The following GLB1L variants were observed in gnomAD, a reference collection of about 807,000 sequenced individuals.
GLB1L encodes galactosidase beta 1 like.
Under a neutral mutation model 75.7 loss-of-function variants are expected in GLB1L, and 58 were observed. The observed-to-expected ratio is 0.77, with a 90% CI of 0.62 to 0.95. The LOEUF (loss-of-function observed/expected upper bound fraction) is 0.95. Among genes scored for constraint, GLB1L ranks in the 40% least tolerant of loss-of-function variants. The pLI, the probability that GLB1L is intolerant of heterozygous loss-of-function variation, is 0.00. For missense variants in GLB1L, 797 were observed against 805.5 expected (o/e 0.99, Z 0.13); for synonymous variants, 296 against 303.0 (o/e 0.98, Z 0.24).
intron 5 of GLB1L, among the ~76,000 whole-genome samples, chr2:219,240,910 C>G (rs959568108): frequency 5.9e-5 from 9 of 151,864 alleles, no homozygotes; most frequent in Admixed American, 3.9e-4. Context: ...TGGCAAAAAC[C>G]TGTCTCTACT....
rs376236263 is a variant in GLB1L, at chr2:219,239,844, G to A, written c.722-11C>T. The A allele has an allele frequency of 1.1e-5, 18 of 1,614,030 alleles. No individual in the cohort carries two copies. Among genetic ancestry groups the A allele is most frequent in the East Asian group, 2.2e-5 (1 of 44,894 alleles). On this transcript the variant is annotated splice_polypyrimidine_tract_variant and intron_variant, in intron 7 of 16. Coordinates refer to ENST00000295759, the MANE Select transcript of GLB1L (RefSeq NM_001286423.2). ...TGGTCATGTTGTCAGCTGCGGAAAG[G>A]AGGCAAAAGAAAAAGATAAATGTCG...
intron 11 of GLB1L, 110 bp downstream of exon 11, chr2:219,238,982 C>T (rs777596043): frequency 1.1e-6 from 1 of 888,754 alleles, no homozygotes; most frequent in Non-Finnish European, 1.8e-6. Context: ...GCTCAGAAGG[C>T]TCTGTGGCCC....
At chr2:219,237,374 G>A (rs368363660) in intron 16 of GLB1L, 27 bp from the exon 17 acceptor site, 3 of 1,606,662 alleles carry the variant, frequency 1.9e-6, no homozygotes, top group Middle Eastern at 1.7e-4. Flanking sequence ...AGGAAAGAGG[G>A]GAAAAGAAAG....
In GLB1L at chr2:219,240,274, C is replaced by A. The variant is rs779371361; in HGVS notation, c.463G>T (p.Ala155Ser). 1 of 1,613,874 alleles carries A rather than the reference C, an allele frequency of 6.2e-7. No individual in the cohort carries two copies. The highest frequency in any genetic ancestry group is 1.3e-5 in the African/African-American group (1 of 74,924). ...LRTSDPDFLAAVDSWFKVLLP... is the reference protein window; with the variant it reads ...LRTSDPDFLASVDSWFKVLLP... The stretch of plus-strand genomic sequence containing the variant: ...AAGACCTTGAACCAGGAGTCCACTG[C>A]GGCAAGGAAGTCTAAAGGAAGGAGC... The change falls in exon 6 of 17, where the codon GCA (alanine) becomes TCA (serine). Residue 155 changes from alanine to serine, a missense_variant. Physicochemically the swap from Ala to Ser is moderately conservative, Grantham distance 99. Coordinates refer to ENST00000295759, the MANE Select transcript of GLB1L (RefSeq NM_001286423.2).
rs1951311125 is a variant in GLB1L at position 219,238,597 on chromosome 2, G to T, written c.1138-13C>A. On this transcript the variant is annotated splice_polypyrimidine_tract_variant and intron_variant, in intron 12 of 16. Coordinates refer to ENST00000295759, the MANE Select transcript of GLB1L (RefSeq NM_001286423.2). The stretch of plus-strand genomic sequence containing the variant: ...GTAAATGCCCAACCTATTAGAATAA[G>T]GGAGAAGAATTAGAATATCAGGGAA... 6.2e-7 allele frequency: 1 copy of T among 1,610,270 alleles called. No individual in the cohort carries two copies.
At chr2:219,241,976 T>C (rs1951404859) in intron 5 of GLB1L, among the ~76,000 whole-genome samples, 1 of 152,066 alleles carries the variant, frequency 6.6e-6, no homozygotes, top group Admixed American at 6.6e-5. Context: ...TTTGTCAAGA[T>C]ACAGCTGATA....
chr2:219,241,442 G>A (rs13035325), intron 5 of GLB1L, among the ~76,000 whole-genome samples: 67,538 of 81,878 alleles, frequency 0.82, 28,101 homozygotes, highest in Non-Finnish European at 0.9. Context: ...GTGTGTGTGT[G>A]TATATATATA....
chr2:219,240,102 A>G lies in GLB1L; in HGVS notation c.547-8T>C. On this transcript the variant is annotated splice_region_variant and splice_polypyrimidine_tract_variant and intron_variant, in intron 6 of 16. Transcript: ENST00000295759. The stretch of plus-strand genomic sequence containing the variant: ...ACCATATTCATTCTCCACCTGCCAG[A>G]GGGGAGGGAAAGTGGAACCCAGCTA... 6.2e-7 allele frequency: 1 copy of G among 1,614,168 alleles called. No homozygotes were observed. Among genetic ancestry groups the G allele is most frequent in the African/African-American group, 1.3e-5 (1 of 75,062 alleles).
In GLB1L at chr2:219,238,396, CAG is replaced by C. The variant is rs143472575; in HGVS notation, c.1228-35_1228-34del. ...TGGAAGAATGAGTACTTCAGACAAA[CAG>C]AAATAAAAGAGGACACTGTGACTAT... On this transcript the variant is annotated intron_variant, in intron 13 of 16. Transcript: ENST00000295759. 2.1e-3 allele frequency: 3,327 copies of C among 1,568,512 alleles called. 59 individuals are homozygous for C. The African/African-American group carries it at 0.035, about 17-fold the overall frequency.
In GLB1L at chr2:219,239,564, T is replaced by G; in HGVS notation, c.899A>C (p.Asn300Thr). 1 of 1,614,204 alleles carries G rather than the reference T, an allele frequency of 6.2e-7. No individual in the cohort carries two copies. The highest frequency in any genetic ancestry group is 2.2e-5 in the East Asian group (1 of 44,888). ...TGCCCCCAGTGTCTTTACTTACATGTTCACACTGGCTCCCAACTTGAGCAT... is the reference window on the plus strand; with the variant it reads ...TGCCCCCAGTGTCTTTACTTACATGGTCACACTGGCTCCCAACTTGAGCAT... ...ENMLKLGASVNMYMFHGGTNF... is the reference protein window; with the variant it reads ...ENMLKLGASVTMYMFHGGTNF... Residue 300 changes from asparagine to threonine, a missense_variant, in exon 9 of 17, where the codon AAC (asparagine) becomes ACC (threonine). Coordinates refer to ENST00000295759, the MANE Select transcript of GLB1L (RefSeq NM_001286423.2).
chr2:219,240,940 C>T (rs75121296), intron 5 of GLB1L, among the ~76,000 whole-genome samples: 22 of 151,676 alleles, frequency 1.5e-4, no homozygotes, highest in Middle Eastern at 6.8e-3. Context: ...AAAAATTAGC[C>T]GGGCAAGGTG....
rs1457051543 is a variant in GLB1L at position 219,243,261 on chromosome 2, G to A, written c.126C>T (p.Asp42=). 2 of 1,613,588 alleles carry A rather than the reference G, an allele frequency of 1.2e-6. 1 individual carries two copies. The highest frequency in any genetic ancestry group is 2.2e-5 in the South Asian group (2 of 91,036). The change falls in exon 3 of 17, where the codon GAC becomes GAT. Residue 42 remains aspartate, a synonymous_variant. Coordinates refer to ENST00000295759, the MANE Select transcript of GLB1L (RefSeq NM_001286423.2). ...CAGACACATAGCGGAACGGGGCCCC[G>A]TCTAGGAGAAACCGGTCATGACCCC... is the stretch of plus-strand genomic sequence containing the variant. ...VDRGHDRFLL[D]GAPFRYVSGS...
chr2:219,238,824 C>T, intron 11 of GLB1L, 45 bp from the exon 12 acceptor site: 2 of 1,531,864 alleles, frequency 1.3e-6, no homozygotes, highest in South Asian at 1.1e-5. Flanking sequence ...CCACAGAAAA[C>T]AATACCTATT....
chr2:219,237,491 AACC>A lies in GLB1L; in HGVS notation c.1689+18_1689+20del. 1.2e-6 allele frequency: 2 copies of A among 1,611,872 alleles called. No individual in the cohort carries two copies. The highest frequency in any genetic ancestry group is 8.5e-7 in the Non-Finnish European group (1 of 1,178,052). On this transcript the variant is annotated intron_variant, in intron 16 of 16. Transcript: ENST00000295759. Reference sequence around the variant, plus strand: ...TTCTCTTTTACCTCCCCGCTACCCAAACCACCACCATTACCAATACCTTGGTCC... The same window carrying A: ...TTCTCTTTTACCTCCCCGCTACCCAAACCACCATTACCAATACCTTGGTCC...
Position 219,242,976 on chromosome 2 carries a change from G to A in GLB1L, c.240-58C>T, listed in dbSNP as rs3755051. On this transcript the variant is annotated intron_variant, in intron 3 of 16. Coordinates refer to ENST00000295759, the MANE Select transcript of GLB1L (RefSeq NM_001286423.2). ...TGAAGAGACGCCAGGGAGGCCTAAC[G>A]GCTCAGGCCTTGCAGGGAATCTCCA... is the stretch of plus-strand genomic sequence containing the variant. The A allele has an allele frequency of 8.0e-4, 1,283 of 1,601,434 alleles. 25 individuals are homozygous for A. The East Asian group carries it at 0.024, about 30-fold the overall frequency.
In GLB1L at chr2:219,239,680, T is replaced by G; in HGVS notation, c.783A>C (p.Val261=). ...LRKYEPHGPL[V]NSEYYTGWLD... ...GCCAGCCTGTGTAGTACTCAGAGTT[T>G]ACCTAGAGTGTGAAATGAAAGGAGT... Residue 261 remains valine (V), a splice_region_variant and synonymous_variant, in exon 9 of 17, where the codon GTA becomes GTC. Coordinates refer to ENST00000295759, the MANE Select transcript of GLB1L (RefSeq NM_001286423.2). 6.2e-7 allele frequency: 1 copy of G among 1,614,206 alleles called. No individual in the cohort carries two copies. Among genetic ancestry groups the G allele is most frequent in the South Asian group, 1.1e-5 (1 of 91,086 alleles).
At position 219,238,545 on chromosome 2, in the gene GLB1L, G is replaced by A. The variant is rs1364242442; in HGVS notation, c.1177C>T (p.Arg393Cys). The change falls in exon 13 of 17, where the codon CGT (arginine) becomes TGT (cysteine). Residue 393 changes from arginine (R) to cysteine (C), a missense_variant. Transcript: ENST00000295759. ...LLAFLDLLCP[R>C]GPIHSILPMT... ...GGCAAGATTGAATGAATGGGCCCACGGGGGCAAAGCAAGTCTAGGAAAGCC... is the reference window on the plus strand; with the variant it reads ...GGCAAGATTGAATGAATGGGCCCACAGGGGCAAAGCAAGTCTAGGAAAGCC... 1 of 1,614,040 alleles carries A rather than the reference G, an allele frequency of 6.2e-7. No homozygotes were observed. Among genetic ancestry groups the A allele is most frequent in the Non-Finnish European group, 8.5e-7 (1 of 1,179,946 alleles).
At position 219,243,284 on chromosome 2, in the gene GLB1L, C is replaced by T. The variant is rs756765500; in HGVS notation, c.103G>A (p.Gly35Ser). ...ADTRSFVVDR[G>S]HDRFLLDGAP... ...CCGTCTAGGAGAAACCGGTCATGAC[C>T]CCTATCCACTACGAACGACCGAGTG... The change falls in exon 3 of 17, where the codon GGT becomes AGT. Residue 35 changes from glycine to serine, a missense_variant. Coordinates refer to ENST00000295759, the MANE Select transcript of GLB1L (RefSeq NM_001286423.2). 3.7e-6 allele frequency: 6 copies of T among 1,608,158 alleles called. No individual in the cohort carries two copies. Among genetic ancestry groups the T allele is most frequent in the South Asian group, 3.3e-5 (3 of 90,760 alleles).
intron 5 of GLB1L, among the ~76,000 whole-genome samples, chr2:219,241,442 G>GTGTA (rs1382897637): frequency 0.014 from 1,129 of 82,882 alleles, 8 homozygotes; most frequent in Non-Finnish European, 0.019. Flanking sequence ...GTGTGTGTGT[G>GTGTA]TATATATATA....
Sources: allele counts gnomAD v4.1 joint callset (sites outside exome capture counted in the v4.1 genomes callset), GRCh38; gene constraint gnomAD v4.1.1; transcripts MANE v1.5; gene names NCBI Gene and HGNC (gene_info 2026-07-23, HGNC 2026-07-21).